The following GRIP1 variants were observed in gnomAD, a reference collection of about 807,000 sequenced individuals.
GRIP1 encodes the protein glutamate receptor-interacting protein 1.
In GRIP1, 45 loss-of-function variants were observed where a neutral mutation model predicts 129.9. The ratio of observed to expected loss-of-function variants is 0.35; its 90% CI spans 0.27 to 0.44. The LOEUF is 0.44. GRIP1 is among the 20% of genes least tolerant of loss of function. GRIP1 has a pLI of 1.00. For missense variants in GRIP1, 1,196 were observed against 1,396.8 expected (o/e 0.86, Z 2.29); for synonymous variants, 530 against 520.8 (o/e 1.02, Z -0.24).
chr12:66,980,494 C>T (rs2042227817), intron 1 of GRIP1, among the ~76,000 whole-genome samples: 1 of 152,082 alleles, frequency 6.6e-6, no homozygotes. Context: ...GTCTGTAGTC[C>T]CAGCTACTTG....
intron 1 of GRIP1, among the ~76,000 whole-genome samples, chr12:67,041,794 T>C (rs1350067716): frequency 6.6e-6 from 1 of 152,078 alleles, no homozygotes; most frequent in Admixed American, 6.6e-5. Context: ...ACCCTGTAAT[T>C]AGAAATTGTT....
upstream of GRIP1, among the ~76,000 whole-genome samples, chr12:66,806,429 T>C (rs1295191730): frequency 2.0e-5 from 3 of 152,164 alleles, no homozygotes; most frequent in African/African-American, 4.8e-5. Context: ...ATGTGATTAA[T>C]TCAAGTATAT....
intron 13 of GRIP1, among the ~76,000 whole-genome samples, chr12:66,435,776 C>A (rs997911345): frequency 2.0e-5 from 3 of 152,152 alleles, no homozygotes; most frequent in African/African-American, 4.8e-5. Context: ...GAGATATTAT[C>A]ACTTCCTGGA....
chr12:66,363,196 TGTC>T (rs777204435), intron 23 of GRIP1, among the ~76,000 whole-genome samples: 26,262 of 84,400 alleles, frequency 0.31, 4,940 homozygotes, highest in Admixed American at 0.35. Context: ...TGTGTGTGTG[TGTC>T]CATATATATA....
chr12:66,460,708 T>C (rs1003311666), intron 9 of GRIP1, among the ~76,000 whole-genome samples: 2 of 152,190 alleles, frequency 1.3e-5, no homozygotes, highest in African/African-American at 2.4e-5. Flanking sequence ...ATCTGGAAAT[T>C]TGGGAAGTGT....
chr12:66,531,252 A>AATATATATATATAT (rs71069009), intron 4 of GRIP1, among the ~76,000 whole-genome samples: 1 of 19,472 alleles, frequency 5.1e-5, no homozygotes, highest in Non-Finnish European at 7.5e-5. Flanking sequence ...AAAAAAAAAA[A>AATATATATATATAT]ATATATATAT....
intron 1 of GRIP1, among the ~76,000 whole-genome samples, chr12:66,689,588 A>G (rs1035042755): frequency 5.9e-5 from 9 of 152,204 alleles, no homozygotes; most frequent in African/African-American, 2.2e-4. Context: ...CAACATGATG[A>G]TTTAATATAT....
At chr12:66,906,200 C>G (rs1284611877) in intron 1 of GRIP1, among the ~76,000 whole-genome samples, 1 of 152,018 alleles carries the variant, frequency 6.6e-6, no homozygotes, top group Non-Finnish European at 1.5e-5. Context: ...TCACATGAGG[C>G]TAGGCTTGAG....
At chr12:66,889,631 A>G (rs1328267512) in intron 1 of GRIP1, among the ~76,000 whole-genome samples, 1 of 152,230 alleles carries the variant, frequency 6.6e-6, no homozygotes, top group East Asian at 1.9e-4. Context: ...TGATCAGGAT[A>G]AACAGCTAAT....
At chr12:66,623,793 C>T (rs2065373636) in intron 1 of GRIP1, among the ~76,000 whole-genome samples, 1 of 152,134 alleles carries the variant, frequency 6.6e-6, no homozygotes, top group African/African-American at 2.4e-5. Context: ...TTTGATGTCT[C>T]TTTGGTTTCA....
chr12:66,770,869 G>T (rs2037796004), intron 1 of GRIP1, among the ~76,000 whole-genome samples: 2 of 152,176 alleles, frequency 1.3e-5, no homozygotes, highest in South Asian at 4.1e-4. Context: ...GCCGAGGCAG[G>T]TGGATCATGA....
In GRIP1 at chr12:66,531,161, C is replaced by T. The variant is rs183560092; in HGVS notation, c.419-1247G>A. Among the ~76,000 whole-genome samples, 762 of 148,258 alleles carry T rather than the reference C, an allele frequency of 5.1e-3. 5 individuals are homozygous for T. The highest frequency in any genetic ancestry group is 0.017 in the African/African-American group (709 of 40,586). On this transcript the variant is annotated intron_variant, in intron 4 of 24. Transcript: ENST00000359742. ...GAGGCAGGAGAATCACTTGAACCCGCGGGGGCGGAGGTTGCAGTGAGCTGA... is the reference window on the plus strand; with the variant it reads ...GAGGCAGGAGAATCACTTGAACCCGTGGGGGCGGAGGTTGCAGTGAGCTGA...
At chr12:66,498,696 A>C (rs2060306598) in intron 7 of GRIP1, among the ~76,000 whole-genome samples, 1 of 150,014 alleles carries the variant, frequency 6.7e-6, no homozygotes, top group African/African-American at 2.4e-5. Flanking sequence ...ACTGTCATAC[A>C]GGCAAAAAAA....
chr12:66,455,775 T>C (rs1453947733), intron 10 of GRIP1, among the ~76,000 whole-genome samples: 3 of 152,172 alleles, frequency 2.0e-5, no homozygotes, highest in African/African-American at 7.2e-5. Flanking sequence ...CTTTATAAGC[T>C]CATAGGAACA....
chr12:66,747,898 C>T (rs150349418), intron 1 of GRIP1, among the ~76,000 whole-genome samples: 144 of 151,988 alleles, frequency 9.5e-4, no homozygotes, highest in African/African-American at 3.3e-3. Flanking sequence ...TCACGTAATA[C>T]GGATTCAGAG....
chr12:66,976,831 CT>C (rs1368309419), intron 1 of GRIP1, among the ~76,000 whole-genome samples: 1 of 152,176 alleles, frequency 6.6e-6, no homozygotes, highest in Non-Finnish European at 1.5e-5. Context: ...TTCTACTTAT[CT>C]CTACTCTTCC....
At chr12:66,359,218 G>A (rs753250075) in intron 23 of GRIP1, among the ~76,000 whole-genome samples, 2 of 152,194 alleles carry the variant, frequency 1.3e-5, no homozygotes. Flanking sequence ...ACATGTGAGG[G>A]TGCTAAATCT....
chr12:66,578,680 T>A (rs1214537784), intron 2 of GRIP1, among the ~76,000 whole-genome samples: 3 of 152,136 alleles, frequency 2.0e-5, no homozygotes, highest in South Asian at 4.1e-4. Flanking sequence ...GAGATCAAAC[T>A]GCAAGGTGGC....
chr12:66,984,531 T>C (rs2042283189), intron 1 of GRIP1, among the ~76,000 whole-genome samples: 1 of 152,192 alleles, frequency 6.6e-6, no homozygotes, highest in African/African-American at 2.4e-5. Context: ...ATGTACTAAC[T>C]CATTTAATCC....
Sources: gnomAD v4.1 joint callset for allele counts (sites outside exome capture counted in the v4.1 genomes callset) on GRCh38, gnomAD v4.1.1 for gene constraint, MANE v1.5 for transcripts, NCBI Gene and HGNC (gene_info 2026-07-23, HGNC 2026-07-21) for gene names.